The following TTC17 variants were observed in gnomAD, a reference collection of about 807,000 sequenced individuals.
The protein encoded by TTC17 is tetratricopeptide repeat domain 17.
Under a neutral mutation model 143.8 loss-of-function variants are expected in TTC17, and 58 were observed. That is an observed-to-expected ratio of 0.40 (90% CI 0.33 to 0.50). The LOEUF (loss-of-function observed/expected upper bound fraction) is 0.50. TTC17 is among the 20% of genes least tolerant of loss of function. The probability of loss-of-function intolerance (pLI) is 0.49; values close to 1 mark genes in which losing one functional copy is unlikely to be tolerated. For synonymous variants in TTC17, 501 were observed against 497.8 expected (o/e 1.01, Z -0.09); for missense variants, 1,273 against 1,392.5 (o/e 0.91, Z 1.37).
intron 21 of TTC17, among the ~76,000 whole-genome samples, chr11:43,486,792 T>G (rs1397944904): frequency 6.6e-6 from 1 of 152,160 alleles, no homozygotes; most frequent in Non-Finnish European, 1.5e-5. Flanking sequence ...TCCTAACACT[T>G]TGGGAGACTG....
intron 21 of TTC17, among the ~76,000 whole-genome samples, chr11:43,470,376 T>A (rs1948069492): frequency 6.6e-6 from 1 of 152,188 alleles, no homozygotes; most frequent in Non-Finnish European, 1.5e-5. Flanking sequence ...TACCCTAGTT[T>A]AGATACCCTA....
chr11:43,491,843 C>A, intron 22 of TTC17, 177 bp from the exon 23 acceptor site: 3 of 657,022 alleles, frequency 4.6e-6, no homozygotes, highest in South Asian at 2.7e-5. Context: ...GATTTATATT[C>A]TGGTACAAGC....
At chr11:43,398,528 A>G (rs1009743001) in intron 8 of TTC17, among the ~76,000 whole-genome samples, 2 of 152,152 alleles carry the variant, frequency 1.3e-5, no homozygotes, top group African/African-American at 2.4e-5. Context: ...CTCCTCTTGG[A>G]GAGAGGTGGT....
At chr11:43,384,046 G>C (rs1237796316) in intron 2 of TTC17, among the ~76,000 whole-genome samples, 1 of 151,862 alleles carries the variant, frequency 6.6e-6, no homozygotes, top group Admixed American at 6.6e-5. Flanking sequence ...TGGGGAGGCT[G>C]AGGCAGGAGA....
intron 22 of TTC17, chr11:43,491,168 A>G (rs554356116): frequency 2.6e-5 from 4 of 152,190 alleles, no homozygotes; most frequent in Non-Finnish European, 5.9e-5. Flanking sequence ...TTGAACTTCA[A>G]TGAGCTCATC....
At chr11:43,439,411 GCTT>G (rs773039072) in intron 16 of TTC17, among the ~76,000 whole-genome samples, 1 of 151,528 alleles carries the variant, frequency 6.6e-6, no homozygotes, top group African/African-American at 2.4e-5. Flanking sequence ...AACATTACAA[GCTT>G]CTTTTTGTTT....
chr11:43,375,966 T>C (rs962864741), intron 1 of TTC17, among the ~76,000 whole-genome samples: 1 of 152,146 alleles, frequency 6.6e-6, no homozygotes, highest in Non-Finnish European at 1.5e-5. Flanking sequence ...AACAATATCT[T>C]GGTTAATTAA....
At chr11:43,408,140 G>A (rs1197939559) in intron 15 of TTC17, among the ~76,000 whole-genome samples, 1 of 152,024 alleles carries the variant, frequency 6.6e-6, no homozygotes, top group Non-Finnish European at 1.5e-5. Flanking sequence ...CTGATATCAG[G>A]ATGGATGTTA....
At chr11:43,375,989 CATG>C (rs1437836715) in intron 1 of TTC17, among the ~76,000 whole-genome samples, 2 of 152,034 alleles carry the variant, frequency 1.3e-5, no homozygotes, top group African/African-American at 4.8e-5. Context: ...CAACAAATAA[CATG>C]AACATAATTT....
At position 43,405,531 on chromosome 11, in the gene TTC17, A is replaced by G. The variant is rs753794619; in HGVS notation, c.1497A>G (p.Leu499=). 36 of 1,613,758 alleles carry G rather than the reference A, an allele frequency of 2.2e-5. No individual in the cohort carries two copies. The highest frequency in any genetic ancestry group is 2.3e-5 in the Non-Finnish European group (27 of 1,179,776). ...TTTATCAGGACAAACAGCATATTCT[A>G]TGGCCTAAAAGAGCAGATTGTACAG... is the stretch of plus-strand genomic sequence containing the variant. The part of the protein sequence containing the change: ...SDAYRDKQHI[L]WPKRADCTES... The change falls in exon 12 of 24, where the codon CTA becomes CTG. Residue 499 remains leucine, a synonymous_variant. Coordinates refer to ENST00000039989, the MANE Select transcript of TTC17 (RefSeq NM_018259.6).
At chr11:43,446,591 G>A (rs543602193) in intron 18 of TTC17, 57 of 846,136 alleles carry the variant, frequency 6.7e-5, no homozygotes, top group Non-Finnish European at 7.5e-5. Context: ...TTTAAACAGA[G>A]TTAATTTGAA....
intron 21 of TTC17, among the ~76,000 whole-genome samples, chr11:43,453,000 T>A (rs1382350763): frequency 6.6e-6 from 1 of 151,972 alleles, no homozygotes; most frequent in African/African-American, 2.4e-5. Flanking sequence ...AGATTAGCAA[T>A]GGATATAAAA....
chr11:43,493,564 ATCCCATACCTCAT>A (rs1322652307), intron 23 of TTC17, among the ~76,000 whole-genome samples, 196 bp from the exon 24 acceptor site: 5 of 152,020 alleles, frequency 3.3e-5, no homozygotes, highest in African/African-American at 1.2e-4. Flanking sequence ...TCCTTTGTTC[ATCCCATACCTCAT>A]TCCCATACCT....
intron 21 of TTC17, among the ~76,000 whole-genome samples, chr11:43,465,772 T>C (rs1176214600): frequency 6.6e-6 from 1 of 152,196 alleles, no homozygotes; most frequent in Non-Finnish European, 1.5e-5. Context: ...CCTTATATCA[T>C]AGGCAAAAGT....
At chr11:43,458,342 T>G (rs910758719) in intron 21 of TTC17, among the ~76,000 whole-genome samples, 1 of 152,262 alleles carries the variant, frequency 6.6e-6, no homozygotes, top group South Asian at 2.1e-4. Context: ...CAGCTCCCCA[T>G]GGTCTCTCTG....
chr11:43,397,016 C>T (rs1165622073), intron 6 of TTC17, 198 bp downstream of exon 6: 1 of 466,952 alleles, frequency 2.1e-6, no homozygotes, highest in Non-Finnish European at 3.8e-6. Flanking sequence ...GTGTAATATA[C>T]TTTCCATTTC....
At chr11:43,426,370 C>CA (rs1947027620) in intron 16 of TTC17, among the ~76,000 whole-genome samples, 1 of 152,192 alleles carries the variant, frequency 6.6e-6, no homozygotes, top group Non-Finnish European at 1.5e-5. Flanking sequence ...CAATATGTAA[C>CA]AAAAATACAT....
Position 43,493,943 on chromosome 11 carries a change from TA to T in TTC17, c.*48del, listed in dbSNP as rs772016604. On this transcript the variant is annotated 3_prime_UTR_variant, in exon 24 of 24. Coordinates refer to ENST00000039989, the MANE Select transcript of TTC17 (RefSeq NM_018259.6). ...TCTCTCTTTCTCTTTACTCATGCTC[TA>T]AAAAAAAAGAATAAGAAAAGAAACC... 493 of 1,492,782 alleles carry T rather than the reference TA, an allele frequency of 3.3e-4. No homozygotes were observed. Among genetic ancestry groups the T allele is most frequent in the South Asian group, 9.4e-4 (69 of 73,796 alleles). The allele number at this position is 1,492,782 out of a possible 1,614,324, so 92.5% of individuals were successfully genotyped here. A position where few individuals can be genotyped will look rare whatever the true frequency, so the allele number is the denominator to read the frequency against.
At chr11:43,479,152 AT>A (rs752360518) in intron 21 of TTC17, among the ~76,000 whole-genome samples, 47 of 152,062 alleles carry the variant, frequency 3.1e-4, no homozygotes, top group Non-Finnish European at 6.2e-4. Context: ...AGGCAGGAGA[AT>A]AGCTTGAACC....
Sources: gnomAD v4.1 joint callset for allele counts (sites outside exome capture counted in the v4.1 genomes callset) on GRCh38, gnomAD v4.1.1 for gene constraint, MANE v1.5 for transcripts, NCBI Gene and HGNC (gene_info 2026-07-23, HGNC 2026-07-21) for gene names.